The following FDFT1 variants were observed in gnomAD, a reference collection of about 807,000 sequenced individuals.
The protein encoded by FDFT1 is farnesyl-diphosphate farnesyltransferase 1, also known as squalene synthase.
In FDFT1, 68 loss-of-function variants were observed where a neutral mutation model predicts 46.8. The ratio of observed to expected loss-of-function variants is 1.45; its 90% CI spans 1.19 to 1.78. FDFT1 has a LOEUF of 1.78. Among genes scored for constraint, FDFT1 ranks in the 40% most tolerant of loss-of-function variants. The pLI, the probability that FDFT1 is intolerant of heterozygous loss-of-function variation, is 0.00. For synonymous variants in FDFT1, 351 were observed against 185.1 expected (o/e 1.90, Z -7.28); for missense variants, 928 against 524.4 (o/e 1.77, Z -7.52).
chr8:11,808,345 G>T (rs914072696), intron 1 of FDFT1: 36 of 1,233,034 alleles, frequency 2.9e-5, no homozygotes, highest in South Asian at 4.0e-5. Flanking sequence ...GGGAGGAGGC[G>T]CCGGTGCGGA....
In FDFT1 at chr8:11,826,190, G is replaced by A. The variant is rs1354342578; in HGVS notation, c.677G>A (p.Gly226Glu). 5.1e-6 allele frequency: 8 copies of A among 1,572,830 alleles called. No individual in the cohort carries two copies. The highest frequency in any genetic ancestry group is 4.6e-5 in the South Asian group (4 of 87,160). The change falls in exon 5 of 8, where the codon GGA becomes GAA. Residue 226 changes from glycine to glutamate, a missense_variant. Coordinates refer to ENST00000220584, the MANE Select transcript of FDFT1 (RefSeq NM_004462.5). ...IIRDYLEDQQ[G>E]GREFWPQEVW... The stretch of plus-strand genomic sequence containing the variant: ...CGTGACTATCTGGAAGACCAGCAAG[G>A]AGGAAGAGAGTTCTGGCCTCAAGAG...
At position 11,831,622 on chromosome 8, in the gene FDFT1, C is replaced by T. The variant is rs761006463; in HGVS notation, c.984C>T (p.Ala328=). 5.6e-6 allele frequency: 9 copies of T among 1,613,834 alleles called. No individual in the cohort carries two copies. In the East Asian group the frequency reaches 1.8e-4, roughly 32 times the overall value. Residue 328 remains alanine, a synonymous_variant, in exon 7 of 8, where the codon GCC becomes GCT. Coordinates refer to ENST00000220584, the MANE Select transcript of FDFT1 (RefSeq NM_004462.5). ...AAGCAGTGACCCTGATGATGGATGC[C>T]ACCAATATGCCAGCTGTCAAAGCCA... ...KGQAVTLMMD[A]TNMPAVKAII...
At chr8:11,833,489 C>T (rs568249537) in intron 7 of FDFT1, among the ~76,000 whole-genome samples, 1 of 152,326 alleles carries the variant, frequency 6.6e-6, no homozygotes, top group African/African-American at 2.4e-5. Context: ...AGTTTGATCA[C>T]TAGTTTTAGA....
At chr8:11,835,291 G>C (rs1296897861) in intron 7 of FDFT1, among the ~76,000 whole-genome samples, 3 of 152,174 alleles carry the variant, frequency 2.0e-5, no homozygotes, top group African/African-American at 7.2e-5. Context: ...CAGGTAAATG[G>C]AGAGTGGGGT....
intron 6 of FDFT1, 127 bp downstream of exon 6, chr8:11,830,547 G>A (rs993248318): frequency 1.9e-5 from 13 of 688,048 alleles, no homozygotes; most frequent in East Asian, 2.6e-5. Flanking sequence ...AGTTTATTAC[G>A]CTGGGAGTTT....
upstream of FDFT1, chr8:11,802,659 G>T (rs113207154): frequency 1.1e-5 from 7 of 611,344 alleles, no homozygotes; most frequent in South Asian, 5.8e-5. Context: ...AGCCCCGCTG[G>T]CGGCCGAGGC....
At chr8:11,804,963 C>A (rs939255257) in intron 1 of FDFT1, among the ~76,000 whole-genome samples, 1 of 132,116 alleles carries the variant, frequency 7.6e-6, no homozygotes, top group Non-Finnish European at 1.5e-5. Context: ...GGCTAGAATG[C>A]TGTGGCCTGA....
At position 11,826,064 on chromosome 8, in the gene FDFT1, C is replaced by G; in HGVS notation, c.551C>G (p.Ser184Cys). The G allele has an allele frequency of 6.2e-7, 1 of 1,604,762 alleles. No individual in the cohort carries two copies. Among genetic ancestry groups the G allele is most frequent in the Non-Finnish European group, 8.5e-7 (1 of 1,172,702 alleles). ...GCTGGGCTGGTCGGAATTGGCCTTT[C>G]CCGTCTTTTCTCAGCCTCAGAGTTT... ...YVAGLVGIGL[S>C]RLFSASEFED... Residue 184 changes from serine (S) to cysteine (C), a missense_variant, in exon 5 of 8, where the codon TCC (serine) becomes TGC (cysteine). Transcript: ENST00000220584.
At chr8:11,809,333 G>C (rs1329141389) in intron 2 of FDFT1, 2 of 1,095,656 alleles carry the variant, frequency 1.8e-6, no homozygotes, top group Non-Finnish European at 2.2e-6. Flanking sequence ...TGTGTTTTTT[G>C]ACTTTCTTTT....
chr8:11,826,236 T>G, intron 5 of FDFT1, 21 bp downstream of exon 5: 1 of 1,471,490 alleles, frequency 6.8e-7, no homozygotes, highest in Non-Finnish European at 9.2e-7. Flanking sequence ...CAGGGTATTT[T>G]GGGGGAAAAT....
chr8:11,818,388 A>G (rs894180248), intron 3 of FDFT1, among the ~76,000 whole-genome samples: 7 of 152,230 alleles, frequency 4.6e-5, no homozygotes, highest in Admixed American at 1.3e-4. Flanking sequence ...TGCTTGGTCC[A>G]GAGCTGAGTT....
intron 5 of FDFT1, 49 bp from the exon 6 acceptor site, chr8:11,830,195 C>G (rs771550389): frequency 1.0e-5 from 14 of 1,404,170 alleles, no homozygotes; most frequent in Admixed American, 1.7e-5. Context: ...TTTGTAAATT[C>G]TCCCCTATGC....
chr8:11,823,889 C>T (rs1809598477), intron 4 of FDFT1, among the ~76,000 whole-genome samples: 1 of 152,164 alleles, frequency 6.6e-6, no homozygotes, highest in African/African-American at 2.4e-5. Flanking sequence ...GACTATAGGT[C>T]CACACCACTA....
At chr8:11,832,913 G>C (rs1293315) in intron 7 of FDFT1, among the ~76,000 whole-genome samples, 1 of 151,998 alleles carries the variant, frequency 6.6e-6, no homozygotes, top group Admixed American at 6.6e-5. Context: ...TAGTCCCCCT[G>C]TTACGCGTTT....
intron 1 of FDFT1, among the ~76,000 whole-genome samples, chr8:11,804,221 C>G (rs76030580): frequency 0.12 from 18,982 of 152,182 alleles, 1,299 homozygotes; most frequent in Middle Eastern, 0.17. Context: ...AAGATACTAG[C>G]AGGGCAAGGG....
intron 7 of FDFT1, among the ~76,000 whole-genome samples, chr8:11,835,331 C>A (rs1405972773): frequency 6.6e-6 from 1 of 152,126 alleles, no homozygotes; most frequent in Non-Finnish European, 1.5e-5. Context: ...TCTAGAAGGT[C>A]CCTTTGGCCT....
At chr8:11,823,276 A>G (rs1809511979) in intron 4 of FDFT1, among the ~76,000 whole-genome samples, 2 of 152,056 alleles carry the variant, frequency 1.3e-5, no homozygotes, top group Admixed American at 6.6e-5. Flanking sequence ...TTTTTCTTCT[A>G]CTTTGGGGGA....
At chr8:11,816,242 C>G (rs1808429621) in intron 3 of FDFT1, among the ~76,000 whole-genome samples, 1 of 152,176 alleles carries the variant, frequency 6.6e-6, no homozygotes, top group Non-Finnish European at 1.5e-5. Flanking sequence ...TGTTTTGGTA[C>G]CAGTACCATG....
At position 11,805,609 on chromosome 8, in the gene FDFT1, G is replaced by A. The variant is rs574866060; in HGVS notation, c.99+2678G>A. ...AAAATAGGGATGTATGTATGGTAAC[G>A]ATTTTTTAACCACAACTTCCCAACT... On this transcript the variant is annotated intron_variant, in intron 1 of 7. Transcript: ENST00000220584. Among the ~76,000 whole-genome samples, 105 of 152,292 alleles carry A rather than the reference G, an allele frequency of 6.9e-4. No homozygotes were observed. The South Asian group carries it at 0.014, about 21-fold the overall frequency.
Sources: allele counts gnomAD v4.1 joint callset (sites outside exome capture counted in the v4.1 genomes callset), GRCh38; gene constraint gnomAD v4.1.1; transcripts MANE v1.5; gene names NCBI Gene and HGNC (gene_info 2026-07-23, HGNC 2026-07-21).